The following PRKCH variants were observed in gnomAD, a reference collection of about 807,000 sequenced individuals.
PRKCH encodes protein kinase C eta type.
PRKCH carries 28 observed loss-of-function variants against 82.5 expected under a neutral mutation model. The ratio of observed to expected loss-of-function variants is 0.34; its 90% CI spans 0.25 to 0.47. PRKCH has a LOEUF of 0.47. Among genes scored for constraint, PRKCH ranks in the 20% least tolerant of loss-of-function variants. The pLI is 1.00. For synonymous variants in PRKCH, 322 were observed against 327.4 expected (o/e 0.98, Z 0.18); for missense variants, 705 against 881.8 (o/e 0.80, Z 2.54).
At chr14:61,350,270 C>T (rs763046253) in intron 1 of PRKCH, among the ~76,000 whole-genome samples, 1 of 152,134 alleles carries the variant, frequency 6.6e-6, no homozygotes, top group African/African-American at 2.4e-5. Flanking sequence ...CTTGAAAGCA[C>T]GCTTGCTTGT....
intron 2 of PRKCH, among the ~76,000 whole-genome samples, chr14:61,416,048 CTTTTCTTTT>C (rs1412578783): frequency 2.3e-3 from 209 of 91,192 alleles, no homozygotes; most frequent in African/African-American, 7.1e-3. Flanking sequence ...CTTTTCTTTT[CTTTTCTTTT>C]TTTTTTTTTT....
intron 1 of PRKCH, among the ~76,000 whole-genome samples, chr14:61,257,650 C>CGCAT (rs1788342961): frequency 6.6e-6 from 1 of 150,944 alleles, no homozygotes. Context: ...CACACACACA[C>CGCAT]GCATACACAC....
At chr14:61,212,071 G>A (rs60465977) in intron 1 of PRKCH, among the ~76,000 whole-genome samples, 1,734 of 152,190 alleles carry the variant, frequency 0.011, 31 homozygotes, top group African/African-American at 0.039. Context: ...CCTTTCCTTC[G>A]TTTCAGACAG....
chr14:61,223,044 A>G (rs1954015), intron 1 of PRKCH, among the ~76,000 whole-genome samples: 1,835 of 152,250 alleles, frequency 0.012, 40 homozygotes, highest in African/African-American at 0.042. Flanking sequence ...TGCACCAAGC[A>G]GCCCATCTCT....
chr14:61,322,748 C>A (rs536461422), intron 1 of PRKCH: 3 of 354,528 alleles, frequency 8.5e-6, no homozygotes, highest in Admixed American at 4.2e-5. Flanking sequence ...TCACCCTTTC[C>A]GCCCAGTCTT....
rs76024697 is a variant in PRKCH, at chr14:61,510,709, G to A, written c.1434-18366G>A. The stretch of plus-strand genomic sequence containing the variant: ...TGTCTAAGGGAATACTTGAACTCAC[G>A]GGACTCAACTGCAAGGTAAAGTGTC... On this transcript the variant is annotated intron_variant, in intron 10 of 13. Coordinates refer to ENST00000332981, the MANE Select transcript of PRKCH (RefSeq NM_006255.5). Among the ~76,000 whole-genome samples, 553 of 151,520 alleles carry A rather than the reference G, an allele frequency of 3.6e-3. 2 individuals are homozygous for A. The highest frequency in any genetic ancestry group is 0.013 in the African/African-American group (523 of 41,416).
intron 1 of PRKCH, among the ~76,000 whole-genome samples, chr14:61,379,781 C>CA (rs886221039): frequency 3.4e-4 from 51 of 152,190 alleles, no homozygotes; most frequent in African/African-American, 1.2e-3. Context: ...CAGCCAGGGT[C>CA]ACACCTGTCA....
intron 2 of PRKCH, among the ~76,000 whole-genome samples, chr14:61,411,863 CTG>C (rs1882284830): frequency 6.6e-6 from 1 of 152,196 alleles, no homozygotes; most frequent in African/African-American, 2.4e-5. Flanking sequence ...GCAAAGATAA[CTG>C]TTTCTGGTGC....
chr14:61,336,017 G>C (rs1164402769), intron 1 of PRKCH, among the ~76,000 whole-genome samples: 1 of 152,160 alleles, frequency 6.6e-6, no homozygotes, highest in Non-Finnish European at 1.5e-5. Flanking sequence ...CCACAACACA[G>C]TACCTGCCTC....
At chr14:61,302,527 G>T (rs1165456648) in intron 1 of PRKCH, among the ~76,000 whole-genome samples, 2 of 152,004 alleles carry the variant, frequency 1.3e-5, no homozygotes, top group African/African-American at 4.8e-5. Flanking sequence ...TAATTTTGGG[G>T]GGTAGGTTTG....
chr14:61,376,017 CAAAAA>C (rs61102403), intron 1 of PRKCH, among the ~76,000 whole-genome samples: 1 of 62,352 alleles, frequency 1.6e-5, no homozygotes, highest in Non-Finnish European at 3.3e-5. Flanking sequence ...AATTCTGTCT[CAAAAA>C]AAAAAAAAAA....
chr14:61,207,921 T>C (rs985853892), intron 1 of PRKCH, among the ~76,000 whole-genome samples: 4 of 152,204 alleles, frequency 2.6e-5, no homozygotes, highest in African/African-American at 9.6e-5. Flanking sequence ...GCTCCAGCCT[T>C]TGATTTCTGT....
chr14:61,357,602 G>T (rs573387449), intron 1 of PRKCH, among the ~76,000 whole-genome samples: 1 of 152,014 alleles, frequency 6.6e-6, no homozygotes, highest in Non-Finnish European at 1.5e-5. Flanking sequence ...TGTGCTTCTC[G>T]TACCTACTAA....
chr14:61,353,703 G>A (rs1404011953), intron 1 of PRKCH: 1 of 152,320 alleles, frequency 6.6e-6, no homozygotes, highest in South Asian at 2.1e-4. Flanking sequence ...GGCTGAGGTG[G>A]GAGGATCACA....
rs2045242023 is a variant in PRKCH at position 61,280,043 on chromosome 14, C to T, written c.-19+92375C>T. On this transcript the variant is annotated intron_variant, in intron 1 of 3. Transcript: ENST00000555185. The surrounding 1 kb of genome is among the most constrained non-coding windows in gnomAD (Gnocchi z 5.0). ...GGCGAGGAGGAGATGCCAAAAGCAC[C>T]TTGCAAGAGTTTTGGCAAGAAGCAG... 1.3e-6 allele frequency: 2 copies of T among 1,500,172 alleles called. No individual in the cohort carries two copies. The highest frequency in any genetic ancestry group is 8.9e-7 in the Non-Finnish European group (1 of 1,117,836). 92.9% of individuals were successfully genotyped at this position (1,500,172 alleles called of 1,614,324 possible). A position where few individuals can be genotyped will look rare whatever the true frequency, so the allele number is the denominator to read the frequency against.
chr14:61,426,352 T>A (rs1883108140), intron 2 of PRKCH, among the ~76,000 whole-genome samples: 1 of 41,342 alleles, frequency 2.4e-5, no homozygotes, highest in South Asian at 1.3e-3. Flanking sequence ...ACAATTTTTT[T>A]AATGTCAGAA....
intron 10 of PRKCH, among the ~76,000 whole-genome samples, chr14:61,498,757 T>A (rs1886771055): frequency 6.6e-6 from 1 of 152,164 alleles, no homozygotes; most frequent in African/African-American, 2.4e-5. Context: ...CTTTGTGGCC[T>A]CACCTAGCCC....
intron 1 of PRKCH, among the ~76,000 whole-genome samples, chr14:61,210,776 CTCTCTCTCTCTCTCTGTG>C (rs1566782013): frequency 1.7e-5 from 2 of 115,088 alleles, no homozygotes; most frequent in African/African-American, 2.8e-5. Flanking sequence ...CTCTCTCTCT[CTCTCTCTCTCTCTCTGTG>C]TGTGTGTGTG....
Position 61,547,735 on chromosome 14 carries a change from T to A in PRKCH, c.1762-8T>A. 1 of 1,611,554 alleles carries A rather than the reference T, an allele frequency of 6.2e-7. No individual in the cohort carries two copies. ...GAATGATTGACACTTTCTCTCTCTC[T>A]CACTCAGTTCATGACCAAGAACCCC... On this transcript the variant is annotated splice_region_variant and splice_polypyrimidine_tract_variant and intron_variant, in intron 12 of 13. Coordinates refer to ENST00000332981, the MANE Select transcript of PRKCH (RefSeq NM_006255.5).
Sources: allele counts gnomAD v4.1 joint callset (sites outside exome capture counted in the v4.1 genomes callset), GRCh38; gene constraint gnomAD v4.1.1; non-coding constraint Gnocchi (gnomAD v3.1); transcripts MANE v1.5; gene names NCBI Gene and HGNC (gene_info 2026-07-23, HGNC 2026-07-21).